ATP5F1A: variants seen among roughly 807,000 people sequenced by gnomAD.
The protein encoded by ATP5F1A is ATP synthase F(1) complex subunit alpha, mitochondrial.
A neutral mutation model predicts 57.4 loss-of-function variants in ATP5F1A; 24 were observed. That is an observed-to-expected ratio of 0.42 (90% CI 0.30 to 0.59). ATP5F1A has a LOEUF of 0.59. ATP5F1A is among the 20% of genes least tolerant of loss of function. ATP5F1A has a pLI of 0.19. For synonymous variants in ATP5F1A, 251 were observed against 255.5 expected, an observed-to-expected ratio of 0.98 and a Z score of 0.17; for missense variants, 494 against 707.9, an observed-to-expected ratio of 0.70 and a Z score of 3.43.
upstream of ATP5F1A, among the ~76,000 whole-genome samples, chr18:46,101,948 G>A (rs577034875): frequency 1.4e-4 from 22 of 152,076 alleles, no homozygotes; most frequent in African/African-American, 5.3e-4. Flanking sequence ...GCTGAGGTGG[G>A]CGGATCACGA....
Position 46,084,569 on chromosome 18 carries a change from T to C in ATP5F1A, c.1515A>G (p.Thr505=). The C allele has an allele frequency of 6.2e-7, 1 of 1,613,134 alleles. No individual in the cohort carries two copies. Among genetic ancestry groups the C allele is most frequent in the Non-Finnish European group, 8.5e-7 (1 of 1,179,806 alleles). ...YLDKLEPSKI[T]KFENAFLSHV... Reference sequence around the variant, plus strand: ...GAGACAAGAAAGCATTCTCAAACTTTGTAATCTTGCTGGGCTCCAGTTTAT... The same window carrying C: ...GAGACAAGAAAGCATTCTCAAACTTCGTAATCTTGCTGGGCTCCAGTTTAT... The change falls in exon 11 of 12, where the codon ACA becomes ACG. Residue 505 remains threonine (T), a synonymous_variant. Coordinates refer to ENST00000398752, the MANE Select transcript of ATP5F1A (RefSeq NM_004046.6).
intron 2 of ATP5F1A, among the ~76,000 whole-genome samples, chr18:46,094,208 C>T (rs1910778890): frequency 6.6e-6 from 1 of 150,844 alleles, no homozygotes; most frequent in South Asian, 2.1e-4. Flanking sequence ...CACTCTCACA[C>T]ACATATATAT....
Position 46,088,128 on chromosome 18 carries a change from C to T in ATP5F1A, c.780G>A (p.Val260=). The T allele has an allele frequency of 6.3e-7, 1 of 1,597,548 alleles. No homozygotes were observed. The highest frequency in any genetic ancestry group is 8.5e-7 in the Non-Finnish European group (1 of 1,176,820). The stretch of plus-strand genomic sequence containing the variant: ...TAATACCTGCATCTGTAAGTCTCTT[C>T]ACCAACTGGGCAACAGTGGATCTCT... The part of the protein sequence containing the change: ...GQKRSTVAQL[V]KRLTDADAMK... The change falls in exon 6 of 12, where the codon GTG becomes GTA. Residue 260 remains valine (V), a synonymous_variant. Transcript: ENST00000398752.
chr18:46,091,487 T>C (rs1360697181), intron 3 of ATP5F1A, among the ~76,000 whole-genome samples, 195 bp downstream of exon 3: 1 of 152,158 alleles, frequency 6.6e-6, no homozygotes, highest in Non-Finnish European at 1.5e-5. Flanking sequence ...TATAAATCAG[T>C]CCCTAGAGTA....
rs1909927187 is a variant in ATP5F1A at position 46,084,316 on chromosome 18, A to G, written c.1628T>C (p.Ile543Thr). ...SEQSDAKLKE[I>T]VTNFLAGFEA ...AAATCCAGCCAAGAAATTTGTTACA[A>G]TCTCTTTCAGCTTTGCATCTGATTG... The change falls in exon 12 of 12, where the codon ATT (isoleucine) becomes ACT (threonine). Residue 543 changes from isoleucine to threonine, a missense_variant. Around this residue, in one of 6 missense-constraint regions of ATP5F1A, gnomAD observed 127 missense variants for 195.2 expected, o/e 0.65. Transcript: ENST00000398752. 1 of 1,613,294 alleles carries G rather than the reference A, an allele frequency of 6.2e-7. No homozygotes were observed. Among genetic ancestry groups the G allele is most frequent in the Non-Finnish European group, 8.5e-7 (1 of 1,179,980 alleles).
rs35693676 is a variant in ATP5F1A at position 46,082,079 on chromosome 18, TA to T, written c.*2202del. 12,801 of 121,370 alleles carry T rather than the reference TA, an allele frequency of 0.11. 758 individuals carry two copies. The highest frequency in any genetic ancestry group is 0.4 in the East Asian group (1,468 of 3,642). The allele number at this position is 121,370 out of a possible 1,614,324, so 7.5% of individuals were successfully genotyped here. A position where few individuals can be genotyped will look rare whatever the true frequency, so the allele number is the denominator to read the frequency against. On this transcript the variant is annotated 3_prime_UTR_variant, in exon 12 of 12. Transcript: ENST00000398752. ...ACAGACAAAAGCCTTTATATATCAG[TA>T]AAAAAAAAAAAAAAAAAAAGAGGCC... is the stretch of plus-strand genomic sequence containing the variant.
At chr18:46,089,098 CGA>C (rs1568247571) in intron 5 of ATP5F1A, among the ~76,000 whole-genome samples, 1 of 151,902 alleles carries the variant, frequency 6.6e-6, no homozygotes, top group African/African-American at 2.4e-5. Flanking sequence ...TCCCCCACAC[CGA>C]GATAGTAGAG....
chr18:46,084,711 T>C, intron 10 of ATP5F1A, 57 bp from the exon 11 acceptor site: 1 of 1,472,362 alleles, frequency 6.8e-7, no homozygotes, highest in Non-Finnish European at 9.0e-7. Flanking sequence ...AATGCCATGT[T>C]ACCAAGGTCA....
chr18:46,100,386 C>T (rs1319471177), upstream of ATP5F1A, among the ~76,000 whole-genome samples: 1 of 151,824 alleles, frequency 6.6e-6, no homozygotes, highest in African/African-American at 2.4e-5. Flanking sequence ...AGGGCATACA[C>T]ACAAACAGGG....
chr18:46,096,063 A>G (rs1167605868), intron 1 of ATP5F1A, among the ~76,000 whole-genome samples: 1 of 151,574 alleles, frequency 6.6e-6, no homozygotes, highest in Non-Finnish European at 1.5e-5. Flanking sequence ...TAATTTTTTT[A>G]TTTTTAGTAG....
At chr18:46,092,991 A>C (rs1370642677) in intron 2 of ATP5F1A, among the ~76,000 whole-genome samples, 1 of 151,690 alleles carries the variant, frequency 6.6e-6, no homozygotes, top group Non-Finnish European at 1.5e-5. Flanking sequence ...TCTACTAAAA[A>C]CACAAAAGTT....
At chr18:46,086,681 A>G (rs1050139071) in intron 8 of ATP5F1A, 187 bp from the exon 9 acceptor site, 150 of 612,858 alleles carry the variant, frequency 2.4e-4, no homozygotes, top group Admixed American at 6.2e-5. Context: ...ATGAGATGAG[A>G]AAAAAACATA....
At chr18:46,091,594 T>A (rs556969855) in intron 3 of ATP5F1A, 88 bp downstream of exon 3, 65 of 1,371,148 alleles carry the variant, frequency 4.7e-5, no homozygotes, top group Middle Eastern at 4.6e-4. Flanking sequence ...CAAAGTTTTT[T>A]AAAAATCTGA....
rs34716753 is a variant in ATP5F1A at position 46,081,660 on chromosome 18, C to CAAAAA, written c.*2617_*2621dup. On this transcript the variant is annotated 3_prime_UTR_variant, in exon 12 of 12. Transcript: ENST00000398752. ...GCCTGGGCAACAAGAGCAAAACTCT[C>CAAAAA]AAAAAAAAAAAACAAAAAAAAAAAA... The CAAAAA allele has an allele frequency of 1.4e-5, 1 of 73,984 alleles. No individual in the cohort carries two copies. The highest frequency in any genetic ancestry group is 2.5e-5 in the Non-Finnish European group (1 of 40,016). 4.6% of individuals were successfully genotyped at this position (73,984 alleles called of 1,614,324 possible). A position where few individuals can be genotyped will look rare whatever the true frequency, so the allele number is the denominator to read the frequency against.
rs1285079005 is a variant in ATP5F1A, at chr18:46,098,227, A to G, written c.5T>C (p.Leu2Pro). The change falls in exon 1 of 12, where the codon CTG becomes CCG. Residue 2 changes from leucine (L) to proline (P), a missense_variant. By Grantham distance (98) the Leu-to-Pro change is moderately conservative. Around this residue, in one of 6 missense-constraint regions of ATP5F1A, gnomAD observed 142 missense variants for 137.5 expected, o/e 1.03. Transcript: ENST00000398752. M[L>P]SVRVAAAVVR... ...CACGGCCGCAGCAACGCGCACGGAC[A>G]GCATCTTTGCAGTTACTCCGCAGGC... is the stretch of plus-strand genomic sequence containing the variant. 5 of 1,606,686 alleles carry G rather than the reference A, an allele frequency of 3.1e-6. No individual in the cohort carries two copies. Among genetic ancestry groups the G allele is most frequent in the Non-Finnish European group, 4.2e-6 (5 of 1,179,066 alleles).
intron 2 of ATP5F1A, chr18:46,094,834 A>G: frequency 1.7e-6 from 1 of 584,456 alleles, no homozygotes. Flanking sequence ...AAGAAGCCAT[A>G]CTAATATCAA....
intron 1 of ATP5F1A, chr18:46,097,829 A>C: frequency 9.0e-7 from 1 of 1,107,632 alleles, no homozygotes; most frequent in Admixed American, 5.1e-5. Context: ...AAAGAGAGGA[A>C]CCTCACCGAT....
intron 10 of ATP5F1A, 127 bp from the exon 11 acceptor site, chr18:46,084,781 A>C (rs1909959176): frequency 1.0e-6 from 1 of 993,808 alleles, no homozygotes; most frequent in Admixed American, 3.4e-5. Flanking sequence ...ATTCTTCACA[A>C]TATCAATGAC....
upstream of ATP5F1A, among the ~76,000 whole-genome samples, chr18:46,100,800 C>T (rs979469725): frequency 3.9e-5 from 6 of 152,146 alleles, no homozygotes; most frequent in African/African-American, 1.2e-4. Flanking sequence ...CAGCCGGGCA[C>T]GGTGGCTCAC....
Sources: allele counts gnomAD v4.1 joint callset (sites outside exome capture counted in the v4.1 genomes callset), GRCh38; gene constraint gnomAD v4.1.1; regional missense constraint gnomAD v4.1.1; transcripts MANE v1.5; gene names NCBI Gene and HGNC (gene_info 2026-07-23, HGNC 2026-07-21).